The following MAD1L1 variants were observed in gnomAD, a reference collection of about 807,000 sequenced individuals.
MAD1L1 encodes mitotic arrest deficient 1 like 1.
Under a neutral mutation model 96.9 loss-of-function variants are expected in MAD1L1, and 95 were observed. The ratio of observed to expected loss-of-function variants is 0.98; its 90% CI spans 0.83 to 1.16. MAD1L1 has a LOEUF of 1.16. Ranked by LOEUF, MAD1L1 falls within the 50% of genes most tolerant of loss-of-function variation. The pLI, the probability that MAD1L1 is intolerant of heterozygous loss-of-function variation, is 0.00. For synonymous variants in MAD1L1, 473 were observed against 396.6 expected, an observed-to-expected ratio of 1.19 and a Z score of -2.29; for missense variants, 1,007 against 954.4, an observed-to-expected ratio of 1.06 and a Z score of -0.73.
At chr7:1,871,136 C>T (rs1391712047) in intron 18 of MAD1L1, among the ~76,000 whole-genome samples, 85 of 137,564 alleles carry the variant, frequency 6.2e-4, no homozygotes, top group Admixed American at 1.2e-3. Flanking sequence ...ACCCAACATA[C>T]GCCTGCCACG....
At position 2,204,357 on chromosome 7, in the gene MAD1L1, G is replaced by C. The variant is rs77417403; in HGVS notation, c.986+8855C>G. Reference sequence around the variant, plus strand: ...TGAGTGAGGTATGATCTGCGCACGTGAACAGTTTGACAAGAGCAGTGTCAT... The same window carrying C: ...TGAGTGAGGTATGATCTGCGCACGTCAACAGTTTGACAAGAGCAGTGTCAT... On this transcript the variant is annotated intron_variant, in intron 10 of 18. Coordinates refer to ENST00000265854, the MANE Select transcript of MAD1L1 (RefSeq NM_001013836.2). Among the ~76,000 whole-genome samples, 196 of 152,236 alleles carry C rather than the reference G, an allele frequency of 1.3e-3. 3 individuals are homozygous for C. In the East Asian group the frequency reaches 0.036, roughly 28 times the overall value.
At position 2,114,946 on chromosome 7, in the gene MAD1L1, A is replaced by C. The variant is rs1418649034; in HGVS notation, c.1073+34206T>G. Among the ~76,000 whole-genome samples, 1 of 152,254 alleles carries C rather than the reference A, an allele frequency of 6.6e-6. No individual in the cohort carries two copies. Among genetic ancestry groups the C allele is most frequent in the Non-Finnish European group, 1.5e-5 (1 of 68,042 alleles). On this transcript the variant is annotated intron_variant, in intron 11 of 18. Transcript: ENST00000265854. The surrounding 1 kb of genome is among the most constrained non-coding windows in gnomAD (Gnocchi z 4.2). Reference sequence around the variant, plus strand: ...TTCCGGTGAGCACCGCTGCAGCAGCAGGGAACCTTCCGGAAGAATCTGTTC... The same window carrying C: ...TTCCGGTGAGCACCGCTGCAGCAGCCGGGAACCTTCCGGAAGAATCTGTTC...
At position 1,968,324 on chromosome 7, in the gene MAD1L1, G is replaced by T. The variant is rs1047871137; in HGVS notation, c.1506-10605C>A. Among the ~76,000 whole-genome samples, 3 of 148,730 alleles carry T rather than the reference G, an allele frequency of 2.0e-5. No homozygotes were observed. Among genetic ancestry groups the T allele is most frequent in the African/African-American group, 7.5e-5 (3 of 39,962 alleles). On this transcript the variant is annotated intron_variant, in intron 15 of 18. Coordinates refer to ENST00000265854, the MANE Select transcript of MAD1L1 (RefSeq NM_001013836.2). The surrounding 1 kb of genome is among the most constrained non-coding windows in gnomAD (Gnocchi z 5.6). ...AGGTCCACTGTCAACGCCTCAGTCT[G>T]GTGGTCAGGTCAACCGTCCACACCT...
At chr7:2,232,219 TTC>T (rs1421695674) in intron 1 of MAD1L1, among the ~76,000 whole-genome samples, 2 of 152,296 alleles carry the variant, frequency 1.3e-5, no homozygotes, top group African/African-American at 4.8e-5. Context: ...GCTGCACAGT[TTC>T]TGAGTTTCCA....
At chr7:1,924,859 G>A (rs1335163933) in intron 17 of MAD1L1, among the ~76,000 whole-genome samples, 1 of 152,102 alleles carries the variant, frequency 6.6e-6, no homozygotes. Flanking sequence ...AAATCCTGAC[G>A]TTTCCACCTG....
chr7:1,917,618 T>C (rs1291762970), intron 17 of MAD1L1, among the ~76,000 whole-genome samples: 1 of 152,230 alleles, frequency 6.6e-6, no homozygotes, highest in Non-Finnish European at 1.5e-5. Context: ...AAGCAAAGTT[T>C]ACAGACGTGC....
intron 16 of MAD1L1, among the ~76,000 whole-genome samples, chr7:1,943,736 C>A (rs1006991541): frequency 6.6e-6 from 1 of 151,928 alleles, no homozygotes; most frequent in Non-Finnish European, 1.5e-5. Flanking sequence ...CCCAGGCAGA[C>A]CCCCGAGAGA....
At chr7:1,902,651 C>G (rs1262408625) in intron 17 of MAD1L1, among the ~76,000 whole-genome samples, 2 of 147,556 alleles carry the variant, frequency 1.4e-5, no homozygotes, top group African/African-American at 5.1e-5. Context: ...CCAGGTCGGC[C>G]GGGCTACGTG....
At position 2,146,154 on chromosome 7, in the gene MAD1L1, A is replaced by G. The variant is rs1789288316; in HGVS notation, c.1073+2998T>C. On this transcript the variant is annotated intron_variant, in intron 11 of 18. Coordinates refer to ENST00000265854, the MANE Select transcript of MAD1L1 (RefSeq NM_001013836.2). This position sits in a 1 kb window ranked among gnomAD's most constrained non-coding sequence, Gnocchi z 6.2. ...CAGGCACACGAATGACCCAGCCGTCACTTCAGAAGCTCGGCCTGAGGCACA... is the reference window on the plus strand; with the variant it reads ...CAGGCACACGAATGACCCAGCCGTCGCTTCAGAAGCTCGGCCTGAGGCACA... Among the ~76,000 whole-genome samples the G allele has an allele frequency of 6.6e-6, 1 of 152,232 alleles. No homozygotes were observed. The highest frequency in any genetic ancestry group is 6.5e-5 in the Admixed American group (1 of 15,290).
At chr7:1,958,913 A>T (rs1260508314) in intron 15 of MAD1L1, among the ~76,000 whole-genome samples, 1 of 152,222 alleles carries the variant, frequency 6.6e-6, no homozygotes, top group African/African-American at 2.4e-5. Context: ...TCCGTAAGAG[A>T]AAAGTTTAAT....
intron 16 of MAD1L1, among the ~76,000 whole-genome samples, chr7:1,956,459 G>A (rs570735921): frequency 1.3e-5 from 2 of 152,208 alleles, no homozygotes; most frequent in East Asian, 1.9e-4. Context: ...ACCATATCAC[G>A]GCATAAACAT....
intron 4 of MAD1L1, among the ~76,000 whole-genome samples, chr7:2,224,368 C>T (rs1391914537): frequency 6.6e-6 from 1 of 152,166 alleles, no homozygotes; most frequent in Admixed American, 6.5e-5. Context: ...TAGGACCCAC[C>T]CAGGCCATGA....
At chr7:1,986,522 G>A (rs945909549) in intron 14 of MAD1L1, among the ~76,000 whole-genome samples, 2 of 151,226 alleles carry the variant, frequency 1.3e-5, no homozygotes, top group Non-Finnish European at 3.0e-5. Flanking sequence ...TCTACTCCGC[G>A]GCTCCCTCGC....
chr7:2,070,718 A>G (rs1264120947), intron 11 of MAD1L1, among the ~76,000 whole-genome samples: 1 of 152,202 alleles, frequency 6.6e-6, no homozygotes, highest in African/African-American at 2.4e-5. Context: ...GGATAGAGAA[A>G]AGCTAACAGG....
At chr7:2,131,804 G>A (rs1584396063) in intron 11 of MAD1L1, among the ~76,000 whole-genome samples, 1 of 152,148 alleles carries the variant, frequency 6.6e-6, no homozygotes, top group East Asian at 1.9e-4. Context: ...TCAGCAGGAT[G>A]TGACAGCCAT....
intron 12 of MAD1L1, among the ~76,000 whole-genome samples, chr7:2,038,258 A>C (rs1783525349): frequency 6.6e-6 from 1 of 152,160 alleles, no homozygotes; most frequent in Non-Finnish European, 1.5e-5. Flanking sequence ...CCCATCACAT[A>C]AAAGTACAAG....
chr7:2,161,471 G>A (rs1479927258), intron 10 of MAD1L1, among the ~76,000 whole-genome samples: 2 of 152,034 alleles, frequency 1.3e-5, no homozygotes, highest in African/African-American at 2.4e-5. Flanking sequence ...TCACCTCCCA[G>A]CCGCCTGACT....
At chr7:2,204,653 G>A (rs1249751334) in intron 10 of MAD1L1, among the ~76,000 whole-genome samples, 1 of 152,258 alleles carries the variant, frequency 6.6e-6, no homozygotes, top group Admixed American at 6.5e-5. Context: ...GCATTACACT[G>A]CGTGGAGACG....
At position 2,069,333 on chromosome 7, in the gene MAD1L1, CG is replaced by C; in HGVS notation, c.1078del (p.Arg360GlyfsTer63). The C allele has an allele frequency of 1.3e-6, 2 of 1,595,350 alleles. No homozygotes were observed. The highest frequency in any genetic ancestry group is 1.7e-6 in the Non-Finnish European group (2 of 1,174,394). ...DKNSAVTSSA[R>X]GLEKARQQLQ... ...CTGCTGCCTGGCCTTCTCCAGCCCC[CG>C]GGCGCTGCATGGGAGAGACAAGAGG... is the stretch of plus-strand genomic sequence containing the variant. On this transcript the variant is annotated frameshift_variant, in exon 12 of 19. Coordinates refer to ENST00000265854, the MANE Select transcript of MAD1L1 (RefSeq NM_001013836.2). LOFTEE classifies it high-confidence loss of function.
Sources: gnomAD v4.1 joint callset for allele counts (sites outside exome capture counted in the v4.1 genomes callset) on GRCh38, gnomAD v4.1.1 for gene constraint, Gnocchi (gnomAD v3.1) non-coding constraint, MANE v1.5 for transcripts, NCBI Gene and HGNC (gene_info 2026-07-23, HGNC 2026-07-21) for gene names.